DRC8: variants seen among roughly 807,000 people sequenced by gnomAD.
DRC8 encodes dynein regulatory complex protein 8.
At chr1:244,970,070 A>G in the DRC8 span, 23 of 650,446 alleles carry the variant, frequency 3.5e-5, no homozygotes, top group East Asian at 6.2e-5. Context: ...GCTGTCCCCA[A>G]ATGGATGAGA....
At chr1:245,053,459 T>G in the DRC8 span, among the ~76,000 whole-genome samples, 1 of 152,138 alleles carries the variant, frequency 6.6e-6, no homozygotes, top group Non-Finnish European at 1.5e-5. Flanking sequence ...GCCCCAGAGC[T>G]CAATGGAGAG....
At chr1:245,087,403 A>G in the DRC8 span, 3 of 1,552,856 alleles carry the variant, frequency 1.9e-6, no homozygotes, top group African/African-American at 2.8e-5. Context: ...AATTTTAGAA[A>G]TTGCTTGTTC....
the DRC8 span, among the ~76,000 whole-genome samples, chr1:244,993,406 T>A: frequency 6.6e-6 from 1 of 152,296 alleles, no homozygotes; most frequent in South Asian, 2.1e-4. Flanking sequence ...CAGAATATCA[T>A]ATCTAAATCA....
chr1:245,042,693 AT>A, the DRC8 span, among the ~76,000 whole-genome samples: 1 of 152,244 alleles, frequency 6.6e-6, no homozygotes, highest in East Asian at 1.9e-4. Flanking sequence ...TTAGCATAAT[AT>A]TAGCTATTTA....
At chr1:245,003,494 A>G in the DRC8 span, among the ~76,000 whole-genome samples, 1 of 152,232 alleles carries the variant, frequency 6.6e-6, no homozygotes, top group Non-Finnish European at 1.5e-5. Flanking sequence ...GGCTGGCTCC[A>G]GGTCAGTGCT....
the DRC8 span, among the ~76,000 whole-genome samples, chr1:245,010,681 C>CTTT: frequency 0.017 from 2,148 of 127,172 alleles, 96 homozygotes; most frequent in African/African-American, 0.057. Context: ...CTTTTTCTTT[C>CTTT]TTTTTTTTTT....
At chr1:245,122,369 T>A in the DRC8 span, 2 of 154,756 alleles carry the variant, frequency 1.3e-5, no homozygotes, top group Non-Finnish European at 2.9e-5. Flanking sequence ...TAGTAGCAAG[T>A]GACAGCACAC....
At chr1:245,050,459 T>C in the DRC8 span, among the ~76,000 whole-genome samples, 1 of 152,146 alleles carries the variant, frequency 6.6e-6, no homozygotes, top group Admixed American at 6.5e-5. Context: ...TCTCCTATAT[T>C]TCCCTAGTGC....
chr1:244,973,650 G>A, the DRC8 span, among the ~76,000 whole-genome samples: 1 of 151,940 alleles, frequency 6.6e-6, no homozygotes, highest in Admixed American at 6.6e-5. Flanking sequence ...ACAGTGCCAC[G>A]GTATTCACTA....
chr1:245,093,820 A>T, the DRC8 span, among the ~76,000 whole-genome samples: 6 of 152,316 alleles, frequency 3.9e-5, no homozygotes, highest in South Asian at 1.0e-3. Context: ...AAATCGGGCC[A>T]TGGTTTTATA....
the DRC8 span, among the ~76,000 whole-genome samples, chr1:245,057,984 C>G: frequency 1.2e-4 from 19 of 152,280 alleles, no homozygotes; most frequent in Non-Finnish European, 1.9e-4. Flanking sequence ...TCATTCTACT[C>G]TCTACCTCCC....
the DRC8 span, among the ~76,000 whole-genome samples, chr1:245,001,251 A>G: frequency 6.6e-6 from 1 of 152,186 alleles, no homozygotes; most frequent in East Asian, 1.9e-4. Context: ...TAGGGAAAAT[A>G]GTTAACTTGC....
chr1:245,081,284 C>A, the DRC8 span, among the ~76,000 whole-genome samples: 1 of 151,816 alleles, frequency 6.6e-6, no homozygotes, highest in African/African-American at 2.4e-5. Context: ...GCCTCAGCCT[C>A]CTGAGTAGCT....
chr1:245,086,422 A>G, the DRC8 span, among the ~76,000 whole-genome samples: 2 of 152,228 alleles, frequency 1.3e-5, no homozygotes, highest in African/African-American at 2.4e-5. Context: ...ATATAACAAT[A>G]TGGATTCAAG....
At chr1:245,049,250 G>T in the DRC8 span, among the ~76,000 whole-genome samples, 1 of 152,218 alleles carries the variant, frequency 6.6e-6, no homozygotes, top group Non-Finnish European at 1.5e-5. This position sits in a 1 kb window ranked among gnomAD's most constrained non-coding sequence, Gnocchi z 4.5. Flanking sequence ...CTCCCAGAGT[G>T]CTGGGATTAC....
the DRC8 span, among the ~76,000 whole-genome samples, chr1:244,994,889 A>G: frequency 1.3e-5 from 2 of 152,120 alleles, no homozygotes; most frequent in Non-Finnish European, 2.9e-5. Flanking sequence ...ATACTGTATT[A>G]TGTTTTCCTG....
At chr1:245,030,831 AAAG>A in the DRC8 span, 2 of 152,246 alleles carry the variant, frequency 1.3e-5, no homozygotes, top group Non-Finnish European at 1.5e-5. Context: ...CCCAAGGAAA[AAAG>A]AAGAAAAGTC....
the DRC8 span, among the ~76,000 whole-genome samples, chr1:245,024,176 A>C: frequency 5.3e-5 from 8 of 152,214 alleles, no homozygotes; most frequent in African/African-American, 1.9e-4. Flanking sequence ...ATCTCAAAAA[A>C]AAAAAATTAT....
At chr1:245,008,460 T>C in the DRC8 span, among the ~76,000 whole-genome samples, 1 of 152,186 alleles carries the variant, frequency 6.6e-6, no homozygotes. Context: ...TGTTACTTTT[T>C]AATATCAAAC....
Sources: gnomAD v4.1 joint callset for allele counts (sites outside exome capture counted in the v4.1 genomes callset) on GRCh38, gnomAD v4.1.1 for gene constraint, Gnocchi (gnomAD v3.1) non-coding constraint, MANE v1.5 for transcripts, NCBI Gene and HGNC (gene_info 2026-07-23, HGNC 2026-07-21) for gene names.